Variants in BCKDHB observed in about 807,000 individuals in gnomAD.
The protein encoded by BCKDHB is 2-oxoisovalerate dehydrogenase subunit beta, mitochondrial.
In BCKDHB, 41 loss-of-function variants were observed where a neutral mutation model predicts 48.5. The ratio of observed to expected loss-of-function variants is 0.85; its 90% CI spans 0.66 to 1.10. BCKDHB has a LOEUF of 1.10. BCKDHB is among the 50% of genes least tolerant of loss of function. The pLI is 0.00. For synonymous variants in BCKDHB, 201 were observed against 174.8 expected (o/e 1.15, Z -1.18); for missense variants, 496 against 494.2 (o/e 1.00, Z -0.03).
intron 9 of BCKDHB, among the ~76,000 whole-genome samples, chr6:80,296,651 T>C (rs1387460680): frequency 2.0e-5 from 3 of 152,156 alleles, no homozygotes; most frequent in Non-Finnish European, 4.4e-5. Context: ...TATAACCCTT[T>C]ACATTTTTTT....
chr6:80,180,805 T>A (rs1044669001), intron 6 of BCKDHB, among the ~76,000 whole-genome samples: 1 of 152,200 alleles, frequency 6.6e-6, no homozygotes, highest in Non-Finnish European at 1.5e-5. Flanking sequence ...AAATTAATAT[T>A]TTGTATTTTA....
intron 9 of BCKDHB, among the ~76,000 whole-genome samples, chr6:80,280,220 T>C (rs779906925): frequency 1.3e-4 from 20 of 152,188 alleles, no homozygotes; most frequent in Non-Finnish European, 2.2e-4. Context: ...TCCAGTTTTC[T>C]CATGTAATAT....
the BCKDHB span, among the ~76,000 whole-genome samples, chr6:80,423,771 T>C: frequency 0.036 from 5,553 of 152,330 alleles, 354 homozygotes; most frequent in African/African-American, 0.13. Flanking sequence ...ATTATAGTGA[T>C]GCATTGCACC....
chr6:80,134,484 G>T (rs1770786499), intron 3 of BCKDHB, among the ~76,000 whole-genome samples: 1 of 152,058 alleles, frequency 6.6e-6, no homozygotes, highest in South Asian at 2.1e-4. Flanking sequence ...AGTTGACTTT[G>T]GGCCTCAGTA....
At chr6:80,191,123 T>C (rs1773873651) in intron 6 of BCKDHB, among the ~76,000 whole-genome samples, 1 of 152,214 alleles carries the variant, frequency 6.6e-6, no homozygotes, top group Non-Finnish European at 1.5e-5. Flanking sequence ...TTCCAAAGTC[T>C]TTGTAACAGA....
intron 1 of BCKDHB, among the ~76,000 whole-genome samples, chr6:80,107,945 A>G (rs556868306): frequency 1.3e-5 from 2 of 152,336 alleles, no homozygotes; most frequent in African/African-American, 4.8e-5. Context: ...TCTCATGTGC[A>G]TGCTAGAGCT....
At chr6:80,235,272 A>G (rs1001806443) in intron 8 of BCKDHB, among the ~76,000 whole-genome samples, 2 of 152,182 alleles carry the variant, frequency 1.3e-5, no homozygotes, top group African/African-American at 4.8e-5. Flanking sequence ...TGTGCCCCAT[A>G]AATATGTACA....
chr6:80,433,394 G>A, the BCKDHB span, among the ~76,000 whole-genome samples: 1 of 152,156 alleles, frequency 6.6e-6, no homozygotes, highest in African/African-American at 2.4e-5. Flanking sequence ...TGGCCTCAGA[G>A]GCCTTGCTGA....
Position 80,273,199 on chromosome 6 carries a change from C to T in BCKDHB, c.1016C>T (p.Ser339Leu), listed in dbSNP as rs398124561. ...GCTCCCTTGACAGGCGGCTTTGCAT[C>T]GGAAATCAGCTCTACAGTTCAGGTA... The part of the protein sequence containing the change: ...HEAPLTGGFA[S>L]EISSTVQEEC... Residue 339 changes from serine (S) to leucine (L), a missense_variant, in exon 9 of 10, where the codon TCG becomes TTG. By Grantham distance (145) the Ser-to-Leu change is moderately radical (BLOSUM62 -2). Coordinates refer to ENST00000320393, the MANE Select transcript of BCKDHB (RefSeq NM_183050.4). 25 of 1,613,312 alleles carry T rather than the reference C, an allele frequency of 1.5e-5. No homozygotes were observed. The highest frequency in any genetic ancestry group is 2.2e-5 in the East Asian group (1 of 44,850).
intron 3 of BCKDHB, among the ~76,000 whole-genome samples, chr6:80,130,763 C>CT (rs1320221000): frequency 6.6e-6 from 1 of 152,118 alleles, no homozygotes; most frequent in Admixed American, 6.5e-5. Flanking sequence ...CCACTGTACA[C>CT]GTCTTGGTAT....
At chr6:80,121,113 A>G (rs1376797750) in intron 1 of BCKDHB, among the ~76,000 whole-genome samples, 1 of 151,954 alleles carries the variant, frequency 6.6e-6, no homozygotes, top group Non-Finnish European at 1.5e-5. Flanking sequence ...CATTTATTAA[A>G]TAGGGAATCC....
chr6:80,270,076 G>A (rs1342082245), intron 8 of BCKDHB, among the ~76,000 whole-genome samples: 1 of 152,008 alleles, frequency 6.6e-6, no homozygotes, highest in African/African-American at 2.4e-5. Context: ...TACTAACATT[G>A]TTAATAATTT....
chr6:80,460,585 AG>A, the BCKDHB span, among the ~76,000 whole-genome samples: 3 of 152,152 alleles, frequency 2.0e-5, no homozygotes, highest in Non-Finnish European at 4.4e-5. Context: ...TTCAGTTTTT[AG>A]GTTTATCCTC....
At chr6:80,152,280 A>G (rs1232641873) in intron 3 of BCKDHB, among the ~76,000 whole-genome samples, 1 of 152,126 alleles carries the variant, frequency 6.6e-6, no homozygotes, top group Non-Finnish European at 1.5e-5. Flanking sequence ...AGATTGCTCC[A>G]TTTAAGAAAT....
chr6:80,367,287 T>C, the BCKDHB span, among the ~76,000 whole-genome samples: 1 of 152,132 alleles, frequency 6.6e-6, no homozygotes, highest in South Asian at 2.1e-4. Flanking sequence ...TTTTTAATTA[T>C]TAGAATAAAT....
the BCKDHB span, among the ~76,000 whole-genome samples, chr6:80,371,246 T>C: frequency 1.3e-5 from 2 of 152,134 alleles, no homozygotes; most frequent in African/African-American, 4.8e-5. Context: ...ATTAGTGAGG[T>C]TGAGCATTTT....
intron 9 of BCKDHB, among the ~76,000 whole-genome samples, chr6:80,342,509 C>G (rs1769958895): frequency 7.8e-6 from 1 of 128,668 alleles, no homozygotes. Flanking sequence ...TCACTTGAGC[C>G]CAGGAGTTTG....
chr6:80,182,545 A>G (rs1773460975), intron 6 of BCKDHB, among the ~76,000 whole-genome samples: 2 of 152,172 alleles, frequency 1.3e-5, no homozygotes, highest in South Asian at 4.1e-4. Context: ...TTTTCTTTGT[A>G]AAAAGTTCCA....
chr6:80,427,444 A>T, the BCKDHB span, among the ~76,000 whole-genome samples: 1 of 152,162 alleles, frequency 6.6e-6, no homozygotes, highest in African/African-American at 2.4e-5. Context: ...ACCCCAAGAT[A>T]CATTGCTATT....
Sources: allele counts gnomAD v4.1 joint callset (sites outside exome capture counted in the v4.1 genomes callset), GRCh38; gene constraint gnomAD v4.1.1; transcripts MANE v1.5; gene names NCBI Gene and HGNC (gene_info 2026-07-23, HGNC 2026-07-21).